PARD3B: variants seen among roughly 807,000 people sequenced by gnomAD.
PARD3B encodes par-3 family cell polarity regulator beta.
A neutral mutation model predicts 130.2 loss-of-function variants in PARD3B; 103 were observed. The observed-to-expected ratio is 0.79, with a 90% CI of 0.67 to 0.93. The LOEUF is 0.93. Among genes scored for constraint, PARD3B ranks in the 40% least tolerant of loss-of-function variants. PARD3B has a pLI of 0.00. For missense variants in PARD3B, 1,609 were observed against 1,499.2 expected, an observed-to-expected ratio of 1.07 and a Z score of -1.21; for synonymous variants, 583 against 553.2, an observed-to-expected ratio of 1.05 and a Z score of -0.76.
intron 2 of PARD3B, among the ~76,000 whole-genome samples, chr2:204,861,818 C>T (rs946945662): frequency 6.1e-5 from 9 of 146,778 alleles, no homozygotes; most frequent in African/African-American, 2.3e-4. Context: ...AGAAGGATCC[C>T]ATAAAAATTA....
At chr2:205,318,782 G>T (rs2105956930) in intron 18 of PARD3B, among the ~76,000 whole-genome samples, 1 of 152,208 alleles carries the variant, frequency 6.6e-6, no homozygotes, top group African/African-American at 2.4e-5. Context: ...CCTGAGAGTT[G>T]CAATCCTTTG....
intron 2 of PARD3B, among the ~76,000 whole-genome samples, chr2:204,751,227 T>C (rs559561892): frequency 9.8e-4 from 149 of 152,290 alleles, no homozygotes; most frequent in Non-Finnish European, 1.7e-3. Flanking sequence ...TTTGAGATGA[T>C]TGGAAATCTT....
chr2:204,889,551 C>T (rs956347639), intron 2 of PARD3B, among the ~76,000 whole-genome samples: 9 of 152,182 alleles, frequency 5.9e-5, no homozygotes, highest in Non-Finnish European at 1.3e-4. Flanking sequence ...CCCATGAAGC[C>T]AGCCCTGGCT....
At chr2:205,219,598 C>T (rs1368259427) in intron 15 of PARD3B, among the ~76,000 whole-genome samples, 1 of 102,208 alleles carries the variant, frequency 9.8e-6, no homozygotes, top group Non-Finnish European at 2.2e-5. Context: ...TAGCCAAGAA[C>T]AAAGCAGCTA....
In PARD3B at chr2:205,581,765, T is replaced by G. The variant is rs181028019; in HGVS notation, c.3260+28362T>G. On this transcript the variant is annotated intron_variant, in intron 22 of 22. Coordinates refer to ENST00000406610, the MANE Select transcript of PARD3B (RefSeq NM_001302769.2). ...AGTAAAAACTAAAAATCAAAATTTT[T>G]AAAAAGATACCTAAATCATCTAAAA... is the stretch of plus-strand genomic sequence containing the variant. Among the ~76,000 whole-genome samples, 7 of 152,146 alleles carry G rather than the reference T, an allele frequency of 4.6e-5. No homozygotes were observed. In the East Asian group the frequency reaches 1.4e-3, roughly 29 times the overall value.
In PARD3B at chr2:205,047,595, G is replaced by T. The variant is rs1236818858; in HGVS notation, c.409G>T (p.Val137Leu). Residue 137 changes from valine to leucine, a missense_variant, in exon 4 of 23, where the codon GTG becomes TTG. Val to Leu is a conservative substitution (Grantham distance 32). Coordinates refer to ENST00000406610, the MANE Select transcript of PARD3B (RefSeq NM_001302769.2). ...SALKLGTPLL[V>L]RRSSDPVPGP... ...TTGTCTTCCAGGCACTCCACTGCTG[G>T]TGAGGAGAAGCAGTGACCCAGTGCC... 4 of 1,549,628 alleles carry T rather than the reference G, an allele frequency of 2.6e-6. No homozygotes were observed. The highest frequency in any genetic ancestry group is 3.5e-6 in the Non-Finnish European group (4 of 1,146,436).
intron 2 of PARD3B, among the ~76,000 whole-genome samples, chr2:204,755,847 G>T (rs994958303): frequency 6.6e-6 from 1 of 152,042 alleles, no homozygotes; most frequent in Non-Finnish European, 1.5e-5. Flanking sequence ...TATCTCTTAT[G>T]ACCCTGTGTT....
chr2:204,629,921 G>A (rs558539839), intron 1 of PARD3B, among the ~76,000 whole-genome samples: 66 of 152,064 alleles, frequency 4.3e-4, no homozygotes, highest in Non-Finnish European at 7.9e-4. Context: ...CAAATATACC[G>A]AAAAGTTATT....
chr2:205,473,654 A>ATATG lies in PARD3B; in HGVS notation c.3045-26241_3045-26240insATGT, dbSNP rs1454484998. Among the ~76,000 whole-genome samples, 396 of 123,672 alleles carry ATATG rather than the reference A, an allele frequency of 3.2e-3. 3 individuals are homozygous for ATATG. The highest frequency in any genetic ancestry group is 5.1e-3 in the Non-Finnish European group (312 of 61,718). The allele number at this position is 123,672 out of a possible 152,430, so 81.1% of individuals were successfully genotyped here. Reference sequence around the variant, plus strand: ...TGTTTCCCAATATAAGGTTATATATATGTGTGTGTGTGTGTGTGTGTGTGT... The same window carrying ATATG: ...TGTTTCCCAATATAAGGTTATATATATATGTGTGTGTGTGTGTGTGTGTGTGTGT... On this transcript the variant is annotated intron_variant, in intron 20 of 22. Transcript: ENST00000406610. The surrounding 1 kb of genome is among the most constrained non-coding windows in gnomAD (Gnocchi z 4.9).
chr2:205,121,686 T>C lies in PARD3B; in HGVS notation c.902T>C (p.Ile301Thr), dbSNP rs771834312. 62 of 1,614,060 alleles carry C rather than the reference T, an allele frequency of 3.8e-5. No individual in the cohort carries two copies. Among genetic ancestry groups the C allele is most frequent in the African/African-American group, 1.5e-4 (11 of 74,914 alleles). ...CGTGAACAGTATGAAAAGTCAGTCA[T>C]TGGCTCTCTTAACATTTTTGGTAAT... ...QNREQYEKSV[I>T]GSLNIFGNND... Residue 301 changes from isoleucine to threonine, a missense_variant, in exon 8 of 23, where the codon ATT becomes ACT. Ile to Thr is a moderately conservative substitution (Grantham distance 89). Transcript: ENST00000406610. This position sits in a 1 kb window ranked among gnomAD's most constrained non-coding sequence, Gnocchi z 5.0.
chr2:205,003,401 T>A (rs987587708), intron 3 of PARD3B, among the ~76,000 whole-genome samples: 4 of 152,178 alleles, frequency 2.6e-5, no homozygotes, highest in Non-Finnish European at 5.9e-5. Flanking sequence ...CCTAGCAGGG[T>A]ACAAGGCCTT....
intron 16 of PARD3B, among the ~76,000 whole-genome samples, chr2:205,279,937 T>C (rs2041124691): frequency 6.6e-6 from 1 of 152,204 alleles, no homozygotes; most frequent in South Asian, 2.1e-4. Context: ...AAAAAATAAG[T>C]ATCCCTATTT....
chr2:205,102,392 A>G (rs996148963), intron 4 of PARD3B, among the ~76,000 whole-genome samples: 2 of 151,460 alleles, frequency 1.3e-5, no homozygotes, highest in Middle Eastern at 3.2e-3. Context: ...GACATACATG[A>G]TAATCACAGG....
At chr2:205,315,817 G>A (rs554919041) in intron 18 of PARD3B, among the ~76,000 whole-genome samples, 13 of 152,294 alleles carry the variant, frequency 8.5e-5, no homozygotes, top group Admixed American at 2.0e-4. Context: ...CCAGGCTTCT[G>A]AAAGCCACCT....
At chr2:204,993,995 G>A (rs1363811828) in intron 3 of PARD3B, among the ~76,000 whole-genome samples, 13 of 151,086 alleles carry the variant, frequency 8.6e-5, no homozygotes, top group Admixed American at 2.0e-4. Context: ...TCTTGCTAGC[G>A]GTCTATCAAT....
chr2:205,556,481 G>A (rs1369350740), intron 22 of PARD3B, among the ~76,000 whole-genome samples: 2 of 152,118 alleles, frequency 1.3e-5, no homozygotes, highest in Admixed American at 1.3e-4. Context: ...GACATTTCAC[G>A]AAATAAAGCC....
In PARD3B at chr2:205,104,474, A is replaced by G. The variant is rs1354051340; in HGVS notation, c.553A>G (p.Thr185Ala). The G allele has an allele frequency of 1.1e-5, 17 of 1,602,352 alleles. No individual in the cohort carries two copies. The highest frequency in any genetic ancestry group is 1.6e-4 in the Middle Eastern group (1 of 6,062). ...EDREVLNGVQ[T>A]ELLTSPRTKD... The stretch of plus-strand genomic sequence containing the variant: ...CAGAGAAGTTTTGAATGGTGTACAG[A>G]CAGAACTACTAACTTCGCCAAGAAC... Residue 185 changes from threonine to alanine, a missense_variant, in exon 5 of 23, where the codon ACA (threonine) becomes GCA (alanine). Transcript: ENST00000406610.
At chr2:204,782,618 T>G (rs1047969835) in intron 2 of PARD3B, among the ~76,000 whole-genome samples, 1 of 151,688 alleles carries the variant, frequency 6.6e-6, no homozygotes, top group African/African-American at 2.4e-5. Context: ...TTGTTGTTTA[T>G]CTGCTTGAGT....
rs573789884 is a variant in PARD3B at position 204,715,836 on chromosome 2, A to G, written c.222+29554A>G. On this transcript the variant is annotated intron_variant, in intron 2 of 22. Coordinates refer to ENST00000406610, the MANE Select transcript of PARD3B (RefSeq NM_001302769.2). ...TCAACGTCCCATCCTTTGAGCTGCC[A>G]TTCTACATTGCTTTTTCTTAAATTC... 6.6e-5 allele frequency among the ~76,000 whole-genome samples: 10 copies of G among 152,212 alleles called. No individual in the cohort carries two copies. In the East Asian group the frequency reaches 1.9e-3, roughly 29 times the overall value.
Sources: allele counts gnomAD v4.1 joint callset (sites outside exome capture counted in the v4.1 genomes callset), GRCh38; gene constraint gnomAD v4.1.1; non-coding constraint Gnocchi (gnomAD v3.1); transcripts MANE v1.5; gene names NCBI Gene and HGNC (gene_info 2026-07-23, HGNC 2026-07-21).